SIPA1L3: variants seen among roughly 807,000 people sequenced by gnomAD.
The protein encoded by SIPA1L3 is signal induced proliferation associated 1 like 3.
Under a neutral mutation model 150.1 loss-of-function variants are expected in SIPA1L3, and 59 were observed. The ratio of observed to expected loss-of-function variants is 0.39; its 90% CI spans 0.32 to 0.49. The LOEUF (loss-of-function observed/expected upper bound fraction) is 0.49. Ranked by LOEUF, SIPA1L3 falls within the 20% of genes least tolerant of loss-of-function variation. The pLI, the probability that SIPA1L3 is intolerant of heterozygous loss-of-function variation, is 0.86. For missense variants in SIPA1L3, 2,211 were observed against 2,489.5 expected, an observed-to-expected ratio of 0.89 and a Z score of 2.38; for synonymous variants, 1,070 against 1,077.6, an observed-to-expected ratio of 0.99 and a Z score of 0.14.
At chr19:37,942,164 G>A (rs1439548130) in intron 1 of SIPA1L3, among the ~76,000 whole-genome samples, 1 of 152,136 alleles carries the variant, frequency 6.6e-6, no homozygotes, top group Non-Finnish European at 1.5e-5. Context: ...TGCCGGGGAC[G>A]GAGCCCGATA....
chr19:38,053,651 G>T (rs1226508052), intron 2 of SIPA1L3, among the ~76,000 whole-genome samples: 4 of 152,024 alleles, frequency 2.6e-5, no homozygotes, highest in African/African-American at 9.7e-5. Flanking sequence ...CACAGTCCTG[G>T]GCTCAAGCGA....
At chr19:38,186,268 G>A (rs918175824) in intron 16 of SIPA1L3, 1 of 151,966 alleles carries the variant, frequency 6.6e-6, no homozygotes, top group Non-Finnish European at 1.5e-5. Context: ...AAATGAAATC[G>A]CTTCATAGTT....
chr19:38,006,755 G>A (rs889387761), intron 1 of SIPA1L3, among the ~76,000 whole-genome samples: 4 of 152,118 alleles, frequency 2.6e-5, no homozygotes, highest in Non-Finnish European at 4.4e-5. Context: ...CTGTGAGTAT[G>A]ACCGGGCACA....
At chr19:37,963,499 C>T (rs1016270911) in intron 1 of SIPA1L3, among the ~76,000 whole-genome samples, 1 of 152,234 alleles carries the variant, frequency 6.6e-6, no homozygotes, top group African/African-American at 2.4e-5. Context: ...GGCACTAGGC[C>T]CCAGTCCAGC....
chr19:37,935,300 T>G (rs1022286978), intron 1 of SIPA1L3, among the ~76,000 whole-genome samples: 2 of 152,242 alleles, frequency 1.3e-5, no homozygotes, highest in African/African-American at 4.8e-5. Context: ...TTTTTTCATA[T>G]TAACAATCTT....
chr19:38,132,607 AG>A (rs1416597425), intron 10 of SIPA1L3, among the ~76,000 whole-genome samples: 1 of 151,304 alleles, frequency 6.6e-6, no homozygotes, highest in Non-Finnish European at 1.5e-5. Context: ...AAAGAAAAAA[AG>A]AATTCTCCTA....
At chr19:38,042,295 T>C (rs1014137991) in intron 2 of SIPA1L3, among the ~76,000 whole-genome samples, 2 of 152,222 alleles carry the variant, frequency 1.3e-5, no homozygotes, top group Non-Finnish European at 1.5e-5. Context: ...TTGGATTTAT[T>C]TCTGGGCTAT....
chr19:38,119,381 C>T lies in SIPA1L3; in HGVS notation c.2367C>T (p.Ser789=), dbSNP rs1253401203. ...PIPSGTTFRK[S]DVFRDFLLAK... ...CCAGTGGAACCACATTCCGCAAATC[C>T]GACGTCTTCAGAGACTTCTTGCTGG... The change falls in exon 9 of 22, where the codon TCC becomes TCT. Residue 789 remains serine (S), a synonymous_variant. Coordinates refer to ENST00000222345, the MANE Select transcript of SIPA1L3 (RefSeq NM_015073.3). 8.7e-6 allele frequency: 14 copies of T among 1,614,066 alleles called. No homozygotes were observed. Among genetic ancestry groups the T allele is most frequent in the South Asian group, 7.7e-5 (7 of 91,088 alleles).
At chr19:38,175,152 A>AG (rs1442850875) in intron 15 of SIPA1L3, among the ~76,000 whole-genome samples, 2 of 151,788 alleles carry the variant, frequency 1.3e-5, no homozygotes, top group Non-Finnish European at 1.5e-5. Flanking sequence ...TGGAACATGG[A>AG]GGTGGTGGTA....
chr19:38,063,447 G>A (rs1969499765), intron 2 of SIPA1L3, among the ~76,000 whole-genome samples: 2 of 152,230 alleles, frequency 1.3e-5, no homozygotes, highest in African/African-American at 2.4e-5. Flanking sequence ...GATGGAAAGA[G>A]TGGGACTTTA....
intron 1 of SIPA1L3, among the ~76,000 whole-genome samples, chr19:38,009,235 G>A (rs1377039411): frequency 6.6e-6 from 1 of 152,026 alleles, no homozygotes; most frequent in Non-Finnish European, 1.5e-5. Flanking sequence ...GGTCAGGCTG[G>A]TCTCGAACTC....
At chr19:38,197,236 A>C (rs1972979576) in intron 18 of SIPA1L3, among the ~76,000 whole-genome samples, 1 of 152,028 alleles carries the variant, frequency 6.6e-6, no homozygotes, top group Admixed American at 6.5e-5. Flanking sequence ...GGCTCTGCCG[A>C]TTCCCAGCTA....
At chr19:38,176,967 G>A (rs992832468) in intron 15 of SIPA1L3, among the ~76,000 whole-genome samples, 36 of 150,072 alleles carry the variant, frequency 2.4e-4, no homozygotes, top group Admixed American at 1.1e-3. Context: ...GTGAAACTCC[G>A]TCTCAAAAAA....
chr19:38,026,117 C>T (rs944581226), intron 1 of SIPA1L3, among the ~76,000 whole-genome samples: 1 of 152,118 alleles, frequency 6.6e-6, no homozygotes, highest in Admixed American at 6.6e-5. Flanking sequence ...CTGGGAGATT[C>T]GGCTTGGAAT....
chr19:37,970,887 G>C (rs565741528), intron 1 of SIPA1L3, among the ~76,000 whole-genome samples: 19 of 152,324 alleles, frequency 1.2e-4, no homozygotes, highest in African/African-American at 4.6e-4. Context: ...GTTTGAGAGT[G>C]AGCAGCCCAG....
intron 1 of SIPA1L3, among the ~76,000 whole-genome samples, chr19:37,968,380 C>T (rs2046924842): frequency 6.6e-6 from 1 of 152,122 alleles, no homozygotes. Context: ...CCGGCCTCAT[C>T]TCTTAATGGG....
chr19:38,028,361 C>G (rs1968563776), intron 1 of SIPA1L3, among the ~76,000 whole-genome samples: 1 of 152,162 alleles, frequency 6.6e-6, no homozygotes, highest in Admixed American at 6.5e-5. Context: ...CCATGGGCCT[C>G]CTGACTGCTC....
intron 16 of SIPA1L3, among the ~76,000 whole-genome samples, chr19:38,188,901 A>C (rs1448845315): frequency 6.7e-6 from 1 of 150,054 alleles, no homozygotes; most frequent in Non-Finnish European, 1.5e-5. Flanking sequence ...CCAGCCTGGG[A>C]GACAGCGAGA....
intron 13 of SIPA1L3, among the ~76,000 whole-genome samples, chr19:38,156,619 G>A (rs1020114658): frequency 7.3e-5 from 11 of 151,536 alleles, no homozygotes; most frequent in African/African-American, 2.7e-4. Context: ...GAGGTCAGGA[G>A]CTCAAGACCA....
Sources: allele counts gnomAD v4.1 joint callset (sites outside exome capture counted in the v4.1 genomes callset), GRCh38; gene constraint gnomAD v4.1.1; transcripts MANE v1.5; gene names NCBI Gene and HGNC (gene_info 2026-07-23, HGNC 2026-07-21).